Variants in PDE10A observed in about 807,000 individuals in gnomAD.
The protein encoded by PDE10A is phosphodiesterase 10A, also known as cAMP and cAMP-inhibited cGMP 3',5'-cyclic phosphodiesterase 10A.
In PDE10A, 39 loss-of-function variants were observed where a neutral mutation model predicts 97.7. That is an observed-to-expected ratio of 0.40 (90% confidence interval 0.31 to 0.52). PDE10A has a LOEUF of 0.52. Ranked by LOEUF, PDE10A falls within the 20% of genes least tolerant of loss-of-function variation. The pLI, the probability that PDE10A is intolerant of heterozygous loss-of-function variation, is 0.56. For synonymous variants in PDE10A, 371 were observed against 376.8 expected, an observed-to-expected ratio of 0.98 and a Z score of 0.18; for missense variants, 731 against 1,047.8, an observed-to-expected ratio of 0.70 and a Z score of 4.17.
chr6:165,468,840 A>G (rs143030794), intron 3 of PDE10A, among the ~76,000 whole-genome samples: 140 of 152,318 alleles, frequency 9.2e-4, no homozygotes, highest in African/African-American at 3.1e-3. Context: ...TTTTTACACA[A>G]TGAAGAAATG....
At chr6:165,793,092 C>T (rs1422076880) in intron 1 of PDE10A, among the ~76,000 whole-genome samples, 7 of 152,106 alleles carry the variant, frequency 4.6e-5, no homozygotes, top group African/African-American at 2.4e-5. Flanking sequence ...GCCTTCACAC[C>T]GTTTCATACA....
At chr6:165,349,729 C>T (rs925861710) in intron 18 of PDE10A, among the ~76,000 whole-genome samples, 1 of 152,200 alleles carries the variant, frequency 6.6e-6, no homozygotes, top group Non-Finnish European at 1.5e-5. Context: ...GGCCCCCCTG[C>T]TCTATGCAGC....
chr6:165,835,689 C>G (rs896479619), intron 1 of PDE10A, among the ~76,000 whole-genome samples: 1 of 152,180 alleles, frequency 6.6e-6, no homozygotes, highest in South Asian at 2.1e-4. Flanking sequence ...GCTGAGAGAC[C>G]GGAGCTCCCG....
intron 1 of PDE10A, among the ~76,000 whole-genome samples, chr6:165,831,675 C>T (rs1313445266): frequency 4.6e-5 from 7 of 151,606 alleles, no homozygotes; most frequent in Non-Finnish European, 8.8e-5. Flanking sequence ...TCAGTAGAGA[C>T]GGGGTTTCAC....
chr6:165,895,436 G>A (rs10806835), intron 1 of PDE10A, among the ~76,000 whole-genome samples: 70,517 of 151,908 alleles, frequency 0.46, 16,607 homozygotes, highest in East Asian at 0.66. Context: ...AGGATCCTCC[G>A]TGGTGGCTTT....
chr6:165,705,693 ATAAT>A (rs1225165209), intron 1 of PDE10A, among the ~76,000 whole-genome samples: 1 of 152,232 alleles, frequency 6.6e-6, no homozygotes, highest in Non-Finnish European at 1.5e-5. Context: ...TATGGCTATG[ATAAT>A]TAGATAAAAG....
chr6:165,609,274 T>C lies in PDE10A; in HGVS notation c.865+52673A>G, dbSNP rs190296168. 6.6e-5 allele frequency among the ~76,000 whole-genome samples: 10 copies of C among 152,340 alleles called. No homozygotes were observed. In the East Asian group the frequency reaches 1.5e-3, roughly 23 times the overall value. Reference sequence around the variant, plus strand: ...GACAAAAACTACATGATTATCTCAGTAGATGCAGAAAAGGCCTTTGACAAA... The same window carrying C: ...GACAAAAACTACATGATTATCTCAGCAGATGCAGAAAAGGCCTTTGACAAA... On this transcript the variant is annotated intron_variant, in intron 1 of 21. Transcript: ENST00000539869.
chr6:165,890,294 C>T (rs1781756310), intron 1 of PDE10A, among the ~76,000 whole-genome samples: 1 of 152,072 alleles, frequency 6.6e-6, no homozygotes. Flanking sequence ...CTGGAAAGAC[C>T]ACACCGCGGA....
intron 15 of PDE10A, among the ~76,000 whole-genome samples, chr6:165,393,113 G>A (rs931229991): frequency 7.2e-5 from 11 of 152,054 alleles, no homozygotes; most frequent in African/African-American, 1.7e-4. Context: ...TTAGTTTTAC[G>A]TTCATTTCCT....
chr6:165,605,061 C>T (rs1176279751), intron 1 of PDE10A, among the ~76,000 whole-genome samples: 1 of 152,180 alleles, frequency 6.6e-6, no homozygotes, highest in Non-Finnish European at 1.5e-5. Context: ...TTACATTTTA[C>T]CACCGGAATA....
intron 1 of PDE10A, among the ~76,000 whole-genome samples, chr6:165,807,832 G>A: frequency 6.6e-6 from 1 of 152,128 alleles, no homozygotes; most frequent in South Asian, 2.1e-4. Context: ...AAGTTTGATT[G>A]TTTTTGGAGT....
chr6:165,926,134 C>T (rs1782927876), intron 1 of PDE10A, among the ~76,000 whole-genome samples: 1 of 152,162 alleles, frequency 6.6e-6, no homozygotes, highest in Non-Finnish European at 1.5e-5. Flanking sequence ...CTGTTTTCTG[C>T]CTGGAGCAAC....
intron 17 of PDE10A, 114 bp from the exon 18 acceptor site, chr6:165,379,480 A>T (rs1251142841): frequency 1.3e-6 from 1 of 787,186 alleles, no homozygotes; most frequent in African/African-American, 1.8e-5. Context: ...CACACTAATG[A>T]AAGGTTTTGG....
intron 1 of PDE10A, among the ~76,000 whole-genome samples, chr6:165,985,197 A>C (rs1462694229): frequency 1.3e-5 from 2 of 152,208 alleles, no homozygotes; most frequent in African/African-American, 4.8e-5. Context: ...AATTTTCCAC[A>C]GCTTAGCCAA....
intron 1 of PDE10A, among the ~76,000 whole-genome samples, chr6:165,969,312 G>A (rs1562334000): frequency 6.6e-6 from 1 of 152,162 alleles, no homozygotes; most frequent in Non-Finnish European, 1.5e-5. Flanking sequence ...TAGAGGAGGA[G>A]GGTGGTGGCT....
chr6:165,353,151 T>G (rs111997017), intron 18 of PDE10A, among the ~76,000 whole-genome samples: 2 of 152,070 alleles, frequency 1.3e-5, no homozygotes, highest in African/African-American at 4.8e-5. Context: ...ACACTACACA[T>G]CTATTAGAAA....
At chr6:165,514,142 C>T (rs1781660929) in intron 2 of PDE10A, among the ~76,000 whole-genome samples, 1 of 152,266 alleles carries the variant, frequency 6.6e-6, no homozygotes, top group African/African-American at 2.4e-5. Context: ...ATAAATCCCA[C>T]TTGTCCATAC....
chr6:165,698,933 T>G (rs549950135), intron 1 of PDE10A, among the ~76,000 whole-genome samples: 1 of 152,230 alleles, frequency 6.6e-6, no homozygotes, highest in East Asian at 1.9e-4. Flanking sequence ...AGTAGAAGGA[T>G]AAAAGAGACA....
At chr6:165,724,267 G>A (rs1288136296) in intron 1 of PDE10A, among the ~76,000 whole-genome samples, 2 of 152,176 alleles carry the variant, frequency 1.3e-5, no homozygotes, top group Non-Finnish European at 2.9e-5. Context: ...ACCCCTAGGG[G>A]CTCAGATTTT....
Sources: allele counts gnomAD v4.1 joint callset (sites outside exome capture counted in the v4.1 genomes callset), GRCh38; gene constraint gnomAD v4.1.1; transcripts MANE v1.5; gene names NCBI Gene and HGNC (gene_info 2026-07-23, HGNC 2026-07-21).